The following CAPN5 variants were observed in gnomAD, a reference collection of about 807,000 sequenced individuals.
CAPN5 encodes the protein calpain-5.
A neutral mutation model predicts 73.0 loss-of-function variants in CAPN5; 54 were observed. That is an observed-to-expected ratio of 0.74 (90% CI 0.59 to 0.93). The LOEUF (loss-of-function observed/expected upper bound fraction) is 0.93. Ranked by LOEUF, CAPN5 falls within the 40% of genes least tolerant of loss-of-function variation. The pLI is 0.00. For missense variants in CAPN5, 785 were observed against 882.9 expected, an observed-to-expected ratio of 0.89 and a Z score of 1.41; for synonymous variants, 335 against 356.9, an observed-to-expected ratio of 0.94 and a Z score of 0.69.
chr11:77,084,676 C>T (rs1950062663), intron 1 of CAPN5, among the ~76,000 whole-genome samples, 176 bp from the exon 2 acceptor site: 1 of 152,206 alleles, frequency 6.6e-6, no homozygotes, highest in Non-Finnish European at 1.5e-5. Flanking sequence ...TCTATGGAGT[C>T]AGGCCGGTCG....
intron 2 of CAPN5, among the ~76,000 whole-genome samples, chr11:77,089,468 AGCCAGT>A (rs1157128139): frequency 6.6e-6 from 1 of 152,236 alleles, no homozygotes; most frequent in African/African-American, 2.4e-5. Context: ...ACCTATGTCC[AGCCAGT>A]GGCCCAGGAA....
At chr11:77,116,082 T>C (rs1950465260) in intron 6 of CAPN5, 144 bp from the exon 7 acceptor site, 1 of 704,868 alleles carries the variant, frequency 1.4e-6, no homozygotes, top group Non-Finnish European at 2.5e-6. Flanking sequence ...GGGCTGGGCA[T>C]GGCCTCAGTG....
intron 2 of CAPN5, among the ~76,000 whole-genome samples, chr11:77,088,620 C>T (rs1950116833): frequency 6.6e-6 from 1 of 152,060 alleles, no homozygotes; most frequent in African/African-American, 2.4e-5. Flanking sequence ...GACCTGTTTC[C>T]CACTGTCTAG....
At chr11:77,101,834 G>C (rs1025559959) in intron 3 of CAPN5, among the ~76,000 whole-genome samples, 1 of 152,152 alleles carries the variant, frequency 6.6e-6, no homozygotes, top group African/African-American at 2.4e-5. Context: ...TTCTGGTTCC[G>C]CCCCGGGCCC....
chr11:77,082,786 C>T (rs1565258378), intron 1 of CAPN5, among the ~76,000 whole-genome samples: 1 of 152,222 alleles, frequency 6.6e-6, no homozygotes, highest in African/African-American at 2.4e-5. Context: ...TGGAGAGCAG[C>T]CAGACCCTCT....
intron 3 of CAPN5, chr11:77,103,400 C>T (rs1272951332): frequency 1.3e-6 from 2 of 1,525,708 alleles, no homozygotes; most frequent in Non-Finnish European, 1.8e-6. Context: ...ACTTTCCCCC[C>T]TGTATTTTTG....
At chr11:77,104,530 CCAAA>C (rs1372793330) in intron 3 of CAPN5, among the ~76,000 whole-genome samples, 3 of 152,208 alleles carry the variant, frequency 2.0e-5, no homozygotes, top group East Asian at 1.9e-4. Context: ...AACTCACTCA[CCAAA>C]CAGATGGGGA....
intron 4 of CAPN5, among the ~76,000 whole-genome samples, chr11:77,113,194 G>A (rs730950): frequency 0.018 from 2,760 of 152,300 alleles, 76 homozygotes; most frequent in African/African-American, 0.058. Context: ...GGTGGGCCAC[G>A]TGCCTGCCTT....
chr11:77,122,536 C>T, intron 11 of CAPN5, 40 bp from the exon 12 acceptor site: 1 of 1,256,624 alleles, frequency 8.0e-7, no homozygotes, highest in Non-Finnish European at 1.1e-6. Flanking sequence ...CCACAGCCCC[C>T]ACCCCCACCC....
rs537687473 is a variant in CAPN5 at position 77,106,504 on chromosome 11, TGTG to T, written c.298-6081_298-6079del. 4.1e-4 allele frequency among the ~76,000 whole-genome samples: 63 copies of T among 151,906 alleles called. No individual in the cohort carries two copies. In the East Asian group the frequency reaches 8.3e-3, roughly 20 times the overall value. ...GCTCTGTGCCCAGAGAGGCAGCTAG[TGTG>T]GTGAGCGACCTAGCCAGCCCCGCCC... On this transcript the variant is annotated intron_variant, in intron 3 of 12. Transcript: ENST00000648180.
At chr11:77,086,576 T>C (rs1950087995) in intron 2 of CAPN5, among the ~76,000 whole-genome samples, 1 of 152,196 alleles carries the variant, frequency 6.6e-6, no homozygotes, top group African/African-American at 2.4e-5. Flanking sequence ...GAGTTCTGCC[T>C]CTTGGGCCCC....
intron 1 of CAPN5, among the ~76,000 whole-genome samples, chr11:77,083,544 T>A (rs1320299314): frequency 6.6e-6 from 1 of 152,180 alleles, no homozygotes; most frequent in Non-Finnish European, 1.5e-5. Flanking sequence ...AGTTGTATTT[T>A]GTGAAAGCTG....
chr11:77,070,184 C>T (rs1355173649), intron 1 of CAPN5, among the ~76,000 whole-genome samples: 1 of 152,210 alleles, frequency 6.6e-6, no homozygotes, highest in Non-Finnish European at 1.5e-5. Context: ...GGGTGGGCAA[C>T]AGCTGAGGCT....
intron 1 of CAPN5, among the ~76,000 whole-genome samples, chr11:77,070,260 G>T (rs1555032804): frequency 6.6e-6 from 1 of 152,186 alleles, no homozygotes; most frequent in African/African-American, 2.4e-5. Flanking sequence ...AGGGGCTGGT[G>T]ACCAGAGCAC....
At position 77,085,054 on chromosome 11, in the gene CAPN5, C is replaced by A; in HGVS notation, c.165+3C>A. On this transcript the variant is annotated splice_donor_region_variant and intron_variant, in intron 2 of 12. Coordinates refer to ENST00000648180, the MANE Select transcript of CAPN5 (RefSeq NM_004055.5). ...CCGTCAGGTGGAAGCGACCCAAGGTCAGTGTCTGGTCCCAGCTGGAGCTGG... is the reference window on the plus strand; with the variant it reads ...CCGTCAGGTGGAAGCGACCCAAGGTAAGTGTCTGGTCCCAGCTGGAGCTGG... 6.2e-7 allele frequency: 1 copy of A among 1,612,672 alleles called. No individual in the cohort carries two copies. The highest frequency in any genetic ancestry group is 8.5e-7 in the Non-Finnish European group (1 of 1,179,922).
At chr11:77,097,113 TTG>T in intron 3 of CAPN5, among the ~76,000 whole-genome samples, 1 of 152,208 alleles carries the variant, frequency 6.6e-6, no homozygotes, top group South Asian at 2.1e-4. Flanking sequence ...TCCCAGCTAC[TTG>T]GGAGGCTGAG....
In CAPN5 at chr11:77,101,598, G is replaced by A. The variant is rs537735949; in HGVS notation, c.297+7785G>A. 1.0e-3 allele frequency among the ~76,000 whole-genome samples: 155 copies of A among 152,306 alleles called. 2 individuals carry two copies. The highest frequency in any genetic ancestry group is 3.3e-3 in the African/African-American group (137 of 41,560). ...CCCCTCTGCTGTTCAGGTAGCCCAG[G>A]ATCCCACTGATTGATTAGCCACCAT... is the stretch of plus-strand genomic sequence containing the variant. On this transcript the variant is annotated intron_variant, in intron 3 of 12. Transcript: ENST00000648180.
At chr11:77,080,133 A>G (rs1950013911) in intron 1 of CAPN5, among the ~76,000 whole-genome samples, 1 of 152,146 alleles carries the variant, frequency 6.6e-6, no homozygotes, top group Non-Finnish European at 1.5e-5. Context: ...GCATTGTGGC[A>G]TCTCTTTTGT....
intron 3 of CAPN5, chr11:77,103,140 G>T: frequency 1.2e-6 from 2 of 1,613,834 alleles, no homozygotes; most frequent in Non-Finnish European, 1.7e-6. Flanking sequence ...CCAGCTGCTG[G>T]ACCCCACTGC....
Sources: gnomAD v4.1 joint callset for allele counts (sites outside exome capture counted in the v4.1 genomes callset) on GRCh38, gnomAD v4.1.1 for gene constraint, MANE v1.5 for transcripts, NCBI Gene and HGNC (gene_info 2026-07-23, HGNC 2026-07-21) for gene names.